TSHZ1: variants seen among roughly 807,000 people sequenced by gnomAD.
The protein encoded by TSHZ1 is teashirt homolog 1.
A neutral mutation model predicts 67.1 loss-of-function variants in TSHZ1; 12 were observed. The observed-to-expected ratio is 0.18, with a 90% confidence interval of 0.11 to 0.29. The LOEUF (loss-of-function observed/expected upper bound fraction) is 0.29, where lower values mean the gene tolerates loss of function less well. Ranked by LOEUF, TSHZ1 falls within the 10% of genes least tolerant of loss-of-function variation. The pLI is 1.00. For missense variants in TSHZ1, 1,305 were observed against 1,413.9 expected, an observed-to-expected ratio of 0.92 and a Z score of 1.23; for synonymous variants, 632 against 622.4, an observed-to-expected ratio of 1.02 and a Z score of -0.23.
intron 1 of TSHZ1, among the ~76,000 whole-genome samples, chr18:75,282,373 G>T (rs2023697449): frequency 6.6e-6 from 1 of 152,164 alleles, no homozygotes; most frequent in Admixed American, 6.5e-5. Context: ...ATGAGGATTG[G>T]TCAGTGTTGA....
rs543354975 is a variant in TSHZ1, at chr18:75,238,974, C to T, written c.40+27058C>T. 3.9e-5 allele frequency among the ~76,000 whole-genome samples: 6 copies of T among 152,350 alleles called. No individual in the cohort carries two copies. In the East Asian group the frequency reaches 1.2e-3, roughly 29 times the overall value. On this transcript the variant is annotated intron_variant, in intron 1 of 1. Coordinates refer to ENST00000580243, the MANE Select transcript of TSHZ1 (RefSeq NM_001308210.2). ...GAAATACCTGGCCTCACGCACTGTC[C>T]AGCTTCCCCTCTGCAGTCTGCACAA...
At position 75,262,031 on chromosome 18, in the gene TSHZ1, G is replaced by A. The variant is rs545455442; in HGVS notation, c.41-23417G>A. Among the ~76,000 whole-genome samples, 24 of 152,302 alleles carry A rather than the reference G, an allele frequency of 1.6e-4. 1 individual carries two copies. In the South Asian group the frequency reaches 5.0e-3, roughly 32 times the overall value. On this transcript the variant is annotated intron_variant, in intron 1 of 1. Transcript: ENST00000580243. The stretch of plus-strand genomic sequence containing the variant: ...TGACTTCAGAGTGCAGGGGGAAGCT[G>A]CTGGTTTCGATGAGATGGTGGCCTG...
intron 1 of TSHZ1, chr18:75,284,138 G>GT (rs757722222): frequency 6.5e-6 from 1 of 152,680 alleles, no homozygotes; most frequent in Non-Finnish European, 1.5e-5. Context: ...AGCTGAGGCA[G>GT]TGTTCCTTGC....
At chr18:75,251,355 G>GT (rs907801984) in intron 1 of TSHZ1, among the ~76,000 whole-genome samples, 136 of 150,318 alleles carry the variant, frequency 9.0e-4, no homozygotes, top group East Asian at 3.5e-3. Flanking sequence ...TTTCTTTCTT[G>GT]TTTTTTTTTT....
Position 75,285,484 on chromosome 18 carries a change from T to C in TSHZ1, c.77T>C (p.Ile26Thr). The C allele has an allele frequency of 4.0e-6, 6 of 1,508,576 alleles. No individual in the cohort carries two copies. The highest frequency in any genetic ancestry group is 1.8e-4 in the Middle Eastern group (1 of 5,568). 93.4% of individuals were successfully genotyped at this position (1,508,576 alleles called of 1,614,324 possible). The change falls in exon 2 of 2, where the codon ATA becomes ACA. Residue 26 changes from isoleucine to threonine, a missense_variant. Physicochemically the swap from Ile to Thr is moderately conservative, Grantham distance 89. Coordinates refer to ENST00000580243, the MANE Select transcript of TSHZ1 (RefSeq NM_001308210.2). Reference sequence around the variant, plus strand: ...GAGGAAGAATTGAAGGCAGCAGAAATAGATGAAGAGCACGTGGAGGATGAC... The same window carrying C: ...GAGGAAGAATTGAAGGCAGCAGAAACAGATGAAGAGCACGTGGAGGATGAC... ...VPEEELKAAE[I>T]DEEHVEDDGL...
At chr18:75,279,720 C>A (rs1008728832) in intron 1 of TSHZ1, among the ~76,000 whole-genome samples, 1 of 152,192 alleles carries the variant, frequency 6.6e-6, no homozygotes, top group Non-Finnish European at 1.5e-5. Flanking sequence ...TTCCAAATCC[C>A]CTTTCATTTT....
In TSHZ1 at chr18:75,233,839, G is replaced by A. The variant is rs150758599; in HGVS notation, c.40+21923G>A. Among the ~76,000 whole-genome samples the A allele has an allele frequency of 7.9e-4, 120 of 152,256 alleles. No individual in the cohort carries two copies. The Middle Eastern group carries it at 0.014, about 17-fold the overall frequency. On this transcript the variant is annotated intron_variant, in intron 1 of 1. Coordinates refer to ENST00000580243, the MANE Select transcript of TSHZ1 (RefSeq NM_001308210.2). ...TTTTCTAGCGAGCATCCGCACGCCC[G>A]GCTTGCACACTGTGGAGGATGCGGT...
At chr18:75,278,765 C>T (rs1056410769) in intron 1 of TSHZ1, among the ~76,000 whole-genome samples, 3 of 151,978 alleles carry the variant, frequency 2.0e-5, no homozygotes, top group Non-Finnish European at 2.9e-5. Flanking sequence ...TGGAGGTGGT[C>T]GTCCGGAGGT....
At chr18:75,216,593 G>A (rs1409473028) in intron 1 of TSHZ1, among the ~76,000 whole-genome samples, 1 of 152,194 alleles carries the variant, frequency 6.6e-6, no homozygotes, top group African/African-American at 2.4e-5. Flanking sequence ...GGTTATAAGA[G>A]GTTTTGTGTT....
At chr18:75,265,000 A>C (rs773996518) in intron 1 of TSHZ1, among the ~76,000 whole-genome samples, 6 of 152,162 alleles carry the variant, frequency 3.9e-5, no homozygotes, top group Non-Finnish European at 7.4e-5. Context: ...TTTTGGCTTA[A>C]ATTGGTACGT....
At chr18:75,229,659 G>A (rs2022971967) in intron 1 of TSHZ1, among the ~76,000 whole-genome samples, 1 of 152,230 alleles carries the variant, frequency 6.6e-6, no homozygotes, top group Non-Finnish European at 1.5e-5. Flanking sequence ...TCTGTGACAT[G>A]CGGTCTATGA....
At chr18:75,280,332 AAG>A (rs1367145927) in intron 1 of TSHZ1, among the ~76,000 whole-genome samples, 2 of 152,244 alleles carry the variant, frequency 1.3e-5, no homozygotes, top group African/African-American at 4.8e-5. Flanking sequence ...GATTGGGCTA[AAG>A]AGCATCAATG....
chr18:75,279,156 C>T (rs1374846076), intron 1 of TSHZ1, among the ~76,000 whole-genome samples: 1 of 152,042 alleles, frequency 6.6e-6, no homozygotes, highest in African/African-American at 2.4e-5. Flanking sequence ...AGGGCGGGTT[C>T]GGGCTAGTGA....
At chr18:75,248,749 T>G (rs2023255489) in intron 1 of TSHZ1, among the ~76,000 whole-genome samples, 2 of 152,272 alleles carry the variant, frequency 1.3e-5, no homozygotes, top group Non-Finnish European at 2.9e-5. Flanking sequence ...CTAATTATAC[T>G]TGCTGTTAAC....
At chr18:75,221,703 A>G (rs1465660735) in intron 1 of TSHZ1, among the ~76,000 whole-genome samples, 1 of 152,228 alleles carries the variant, frequency 6.6e-6, no homozygotes, top group Admixed American at 6.5e-5. Context: ...GTAATACTCT[A>G]TAAGAGCCTG....
intron 1 of TSHZ1, among the ~76,000 whole-genome samples, chr18:75,265,708 C>T (rs1259529483): frequency 1.3e-5 from 2 of 152,106 alleles, no homozygotes; most frequent in African/African-American, 4.8e-5. Flanking sequence ...TCTGCTTCTC[C>T]CCCATCTCAT....
intron 1 of TSHZ1, among the ~76,000 whole-genome samples, chr18:75,269,496 G>A (rs192038820): frequency 6.6e-6 from 1 of 152,272 alleles, no homozygotes; most frequent in East Asian, 1.9e-4. Flanking sequence ...GGCCCTGAAG[G>A]CTGGCAGGTG....
rs752619240 is a variant in TSHZ1, at chr18:75,288,643, G to C, written c.*2G>C. The C allele has an allele frequency of 4.4e-6, 7 of 1,582,534 alleles. No individual in the cohort carries two copies. The South Asian group carries it at 8.2e-5, about 18-fold the overall frequency. On this transcript the variant is annotated 3_prime_UTR_variant, in exon 2 of 2. Coordinates refer to ENST00000580243, the MANE Select transcript of TSHZ1 (RefSeq NM_001308210.2). This position sits in a 1 kb window ranked among gnomAD's most constrained non-coding sequence, Gnocchi z 4.9. ...GTGACTGAGTTGGAGAAACAGTAGC[G>C]TCCAGGTATGCAAGAGACCGCGGAA...
chr18:75,269,461 C>T (rs550426510), intron 1 of TSHZ1, among the ~76,000 whole-genome samples: 1 of 151,886 alleles, frequency 6.6e-6, no homozygotes, highest in Non-Finnish European at 1.5e-5. Context: ...GTGGGGGAAT[C>T]ATGAGCTGGG....
Sources: gnomAD v4.1 joint callset for allele counts (sites outside exome capture counted in the v4.1 genomes callset) on GRCh38, gnomAD v4.1.1 for gene constraint, Gnocchi (gnomAD v3.1) non-coding constraint, MANE v1.5 for transcripts, NCBI Gene and HGNC (gene_info 2026-07-23, HGNC 2026-07-21) for gene names.